The following CNTN5 variants were observed in gnomAD, a reference collection of about 807,000 sequenced individuals.
CNTN5 encodes the protein contactin-5.
CNTN5 carries 77 observed loss-of-function variants against 129.1 expected under a neutral mutation model. The observed-to-expected ratio is 0.60, with a 90% CI of 0.50 to 0.72. The LOEUF (loss-of-function observed/expected upper bound fraction) is 0.72, where lower values mean the gene tolerates loss of function less well. Among genes scored for constraint, CNTN5 ranks in the 30% least tolerant of loss-of-function variants. The probability of loss-of-function intolerance (pLI) is 0.00; values close to 1 mark genes in which losing one functional copy is unlikely to be tolerated. For missense variants in CNTN5, 1,478 were observed against 1,328.8 expected (o/e 1.11, Z -1.75); for synonymous variants, 509 against 465.6 (o/e 1.09, Z -1.20).
Position 99,133,615 on chromosome 11 carries a change from C to CAAAAAAAAAAAAAAAAA in CNTN5, c.-210+112347_-210+112348insAAAAAAAAAAAAAAAAA, listed in dbSNP as rs566769880. Among the ~76,000 whole-genome samples, 9 of 106,004 alleles carry CAAAAAAAAAAAAAAAAA rather than the reference C, an allele frequency of 8.5e-5. 2 individuals carry two copies. Among genetic ancestry groups the CAAAAAAAAAAAAAAAAA allele is most frequent in the Admixed American group, 9.8e-5 (1 of 10,236 alleles). The allele number at this position is 106,004 out of a possible 152,430, so 69.5% of individuals were successfully genotyped here. ...GCAAAGGATAGGAACAGACACTTCT[C>CAAAAAAAAAAAAAAAAA]AAGAAAAAAAAAAGACCATACATGC... On this transcript the variant is annotated intron_variant, in intron 1 of 24. Coordinates refer to ENST00000524871, the MANE Select transcript of CNTN5 (RefSeq NM_014361.4).
intron 3 of CNTN5, among the ~76,000 whole-genome samples, chr11:99,794,500 T>C (rs1249038745): frequency 1.3e-5 from 2 of 152,202 alleles, no homozygotes; most frequent in Middle Eastern, 3.2e-3. Flanking sequence ...AACTTGTTTA[T>C]GTGGTTGCTT....
intron 1 of CNTN5, among the ~76,000 whole-genome samples, chr11:99,227,768 A>G (rs1591384815): frequency 6.6e-6 from 1 of 152,198 alleles, no homozygotes; most frequent in East Asian, 1.9e-4. Flanking sequence ...TAGGAAACAC[A>G]GAAAAATATA....
chr11:100,067,476 ATT>A (rs200903304), intron 10 of CNTN5, among the ~76,000 whole-genome samples: 118 of 147,524 alleles, frequency 8.0e-4, no homozygotes, highest in African/African-American at 8.7e-4. Context: ...CCATTTCAGG[ATT>A]TTTTTTTTTT....
chr11:99,045,139 G>A (rs77534827), intron 1 of CNTN5, among the ~76,000 whole-genome samples: 5,372 of 152,248 alleles, frequency 0.035, 150 homozygotes, highest in Non-Finnish European at 0.049. Context: ...ATCCCATGTA[G>A]GGTGTGAACA....
chr11:99,597,426 G>T (rs982947008), intron 3 of CNTN5, among the ~76,000 whole-genome samples: 2 of 151,918 alleles, frequency 1.3e-5, no homozygotes, highest in Non-Finnish European at 2.9e-5. Context: ...CCTATTGCAC[G>T]TTCTAAACTC....
chr11:99,691,574 A>C (rs1376484944), intron 3 of CNTN5, among the ~76,000 whole-genome samples: 1 of 151,992 alleles, frequency 6.6e-6, no homozygotes, highest in Non-Finnish European at 1.5e-5. Flanking sequence ...TGAATTTCTT[A>C]ATCTTGAGTT....
intron 2 of CNTN5, among the ~76,000 whole-genome samples, chr11:99,538,392 T>C (rs1233189966): frequency 6.6e-6 from 1 of 152,164 alleles, no homozygotes; most frequent in Non-Finnish European, 1.5e-5. Flanking sequence ...TTCAATGTGT[T>C]AGCATTATAT....
chr11:99,712,386 T>G (rs542259889), intron 3 of CNTN5, among the ~76,000 whole-genome samples: 2 of 152,304 alleles, frequency 1.3e-5, no homozygotes, highest in African/African-American at 2.4e-5. Context: ...TAGCCCTTTG[T>G]CAGACGGATA....
chr11:99,777,561 T>TATA (rs1945168085), intron 3 of CNTN5, among the ~76,000 whole-genome samples: 1 of 151,840 alleles, frequency 6.6e-6, no homozygotes, highest in Admixed American at 6.6e-5. Context: ...AGCAATTTTA[T>TATA]ATAAGGTCAA....
intron 3 of CNTN5, among the ~76,000 whole-genome samples, chr11:99,749,281 GAAAA>G (rs1177599220): frequency 6.6e-6 from 1 of 151,868 alleles, no homozygotes; most frequent in East Asian, 1.9e-4. Context: ...TTAAAAAAAA[GAAAA>G]AAGAATGGGG....
At chr11:100,355,108 T>G (rs1472694426) in intron 24 of CNTN5, among the ~76,000 whole-genome samples, 1 of 151,826 alleles carries the variant, frequency 6.6e-6, no homozygotes, top group African/African-American at 2.4e-5. Flanking sequence ...AAATTTTATC[T>G]CTTTTGTAAT....
At chr11:99,745,159 A>G (rs567982198) in intron 3 of CNTN5, among the ~76,000 whole-genome samples, 1 of 152,302 alleles carries the variant, frequency 6.6e-6, no homozygotes, top group South Asian at 2.1e-4. Context: ...CCTGATGGGC[A>G]TGGATTGCTG....
chr11:99,738,811 T>C (rs1943797122), intron 3 of CNTN5, among the ~76,000 whole-genome samples: 1 of 152,164 alleles, frequency 6.6e-6, no homozygotes, highest in Admixed American at 6.5e-5. Context: ...TTTAGGCATG[T>C]AGAAGGAATG....
In CNTN5 at chr11:99,990,449, T is replaced by TACACAC. The variant is rs1241963020; in HGVS notation, c.878-11584_878-11583insCACACA. Among the ~76,000 whole-genome samples the TACACAC allele has an allele frequency of 4.2e-3, 316 of 75,756 alleles. 1 individual carries two copies. The highest frequency in any genetic ancestry group is 0.011 in the African/African-American group (213 of 19,516). 49.7% of individuals were successfully genotyped at this position (75,756 alleles called of 152,430 possible). On this transcript the variant is annotated intron_variant, in intron 8 of 24. Coordinates refer to ENST00000524871, the MANE Select transcript of CNTN5 (RefSeq NM_014361.4). ...TGGCTTCCCTTATTTTTAGAATATA[T>TACACAC]ATATATACACACACACACACACACA...
intron 9 of CNTN5, among the ~76,000 whole-genome samples, chr11:100,036,208 C>G (rs1020538679): frequency 6.6e-6 from 1 of 152,098 alleles, no homozygotes; most frequent in Admixed American, 6.6e-5. Context: ...TTTCCAGCAC[C>G]ATTTATTAAA....
chr11:100,343,697 T>C (rs1952216275), intron 23 of CNTN5, among the ~76,000 whole-genome samples: 1 of 152,098 alleles, frequency 6.6e-6, no homozygotes, highest in Non-Finnish European at 1.5e-5. Context: ...ACTGCACCCT[T>C]GGCAAGGATC....
chr11:99,388,029 A>G (rs1163685756), intron 2 of CNTN5, among the ~76,000 whole-genome samples: 2 of 151,954 alleles, frequency 1.3e-5, no homozygotes, highest in African/African-American at 4.8e-5. Flanking sequence ...TATTCTTACA[A>G]CTCCTGATTC....
intron 1 of CNTN5, among the ~76,000 whole-genome samples, chr11:99,178,591 T>C (rs1857895988): frequency 1.4e-5 from 2 of 147,554 alleles, no homozygotes; most frequent in Non-Finnish European, 2.9e-5. Context: ...AAATGGTGTT[T>C]ATATCTATAA....
chr11:99,398,441 A>G (rs1054045163), intron 2 of CNTN5, among the ~76,000 whole-genome samples: 1 of 151,908 alleles, frequency 6.6e-6, no homozygotes, highest in African/African-American at 2.4e-5. Context: ...CAAATGCTTA[A>G]TATTTTGTAT....
Sources: gnomAD v4.1 joint callset for allele counts (sites outside exome capture counted in the v4.1 genomes callset) on GRCh38, gnomAD v4.1.1 for gene constraint, MANE v1.5 for transcripts, NCBI Gene and HGNC (gene_info 2026-07-23, HGNC 2026-07-21) for gene names.